ZNF202: variants seen among roughly 807,000 people sequenced by gnomAD.
ZNF202 encodes zinc finger protein 202.
In ZNF202, 22 loss-of-function variants were observed where a neutral mutation model predicts 54.5. That is an observed-to-expected ratio of 0.40 (90% confidence interval 0.29 to 0.58). The LOEUF is 0.58. Ranked by LOEUF, ZNF202 falls within the 20% of genes least tolerant of loss-of-function variation. ZNF202 has a pLI of 0.39. For missense variants in ZNF202, 644 were observed against 805.5 expected, an observed-to-expected ratio of 0.80 and a Z score of 2.43; for synonymous variants, 294 against 301.4, an observed-to-expected ratio of 0.98 and a Z score of 0.26.
rs542653318 is a variant in ZNF202, at chr11:123,724,746, A to G, written c.*1251T>C. The G allele has an allele frequency of 9.2e-5, 14 of 152,366 alleles. No homozygotes were observed. Among genetic ancestry groups the G allele is most frequent in the African/African-American group, 3.4e-4 (14 of 41,588 alleles). 9.4% of individuals were successfully genotyped at this position (152,366 alleles called of 1,614,324 possible). ...GATGCTACTTTCTAGCTCTATGAAC[A>G]TAAAATCACGTAAGAAAAAGCAAAC... On this transcript the variant is annotated 3_prime_UTR_variant, in exon 9 of 9. Transcript: ENST00000530393.
At chr11:123,732,913 T>C (rs1211262708) in intron 3 of ZNF202, among the ~76,000 whole-genome samples, 1 of 152,132 alleles carries the variant, frequency 6.6e-6, no homozygotes, top group Admixed American at 6.5e-5. Context: ...TCTTCATCTC[T>C]ACTGCCATTT....
rs370489461 is a variant in ZNF202 at position 123,728,236 on chromosome 11, G to A, written c.729C>T (p.Ala243=). The change falls in exon 7 of 9, where the codon GCC becomes GCT. Residue 243 remains alanine (A), a synonymous_variant. Coordinates refer to ENST00000530393, the MANE Select transcript of ZNF202 (RefSeq NM_003455.4). ...SQGLVTFKDV[A]VCFSQDQWSD... is the part of the protein sequence containing the mutation. ...TCCACTGGTCCTGGGAAAAGCATACGGCCACATCCTTGAACGTTACCAGTC... is the reference window on the plus strand; with the variant it reads ...TCCACTGGTCCTGGGAAAAGCATACAGCCACATCCTTGAACGTTACCAGTC... The A allele has an allele frequency of 1.6e-5, 25 of 1,611,880 alleles. No individual in the cohort carries two copies. Among genetic ancestry groups the A allele is most frequent in the African/African-American group, 4.0e-5 (3 of 74,844 alleles).
chr11:123,731,116 T>C (rs1861388256), intron 3 of ZNF202, 131 bp from the exon 4 acceptor site: 1 of 473,118 alleles, frequency 2.1e-6, no homozygotes, highest in East Asian at 3.3e-5. Flanking sequence ...CCAACCACCA[T>C]AGCCATAAAT....
chr11:123,731,354 A>G (rs1262105211), intron 3 of ZNF202, among the ~76,000 whole-genome samples: 2 of 152,196 alleles, frequency 1.3e-5, no homozygotes, highest in Admixed American at 1.3e-4. Context: ...TAACTTCCTA[A>G]GATCCCTGCA....
rs1322965921 is a variant in ZNF202, at chr11:123,725,284, T to C, written c.*713A>G. ...ATTAAAAACAAAACCAAAACTCGTA[T>C]GGAAAGAGGCTTCTGACTAGGCCCT... On this transcript the variant is annotated 3_prime_UTR_variant, in exon 9 of 9. Coordinates refer to ENST00000530393, the MANE Select transcript of ZNF202 (RefSeq NM_003455.4). The C allele has an allele frequency of 6.6e-6, 1 of 152,196 alleles. No homozygotes were observed. Among genetic ancestry groups the C allele is most frequent in the African/African-American group, 2.4e-5 (1 of 41,444 alleles). 9.4% of individuals were successfully genotyped at this position (152,196 alleles called of 1,614,324 possible).
intron 3 of ZNF202, chr11:123,739,637 C>A (rs1861778903): frequency 6.6e-6 from 1 of 152,184 alleles, no homozygotes; most frequent in African/African-American, 2.4e-5. Flanking sequence ...AGTACGCTTT[C>A]TTAATTTTGC....
chr11:123,731,232 T>G (rs1379497123), intron 3 of ZNF202, among the ~76,000 whole-genome samples: 1 of 152,166 alleles, frequency 6.6e-6, no homozygotes, highest in Non-Finnish European at 1.5e-5. Context: ...CATTTCCACT[T>G]CACAAATACT....
rs1432904234 is a variant in ZNF202, at chr11:123,725,096, A to C, written c.*901T>G. On this transcript the variant is annotated 3_prime_UTR_variant, in exon 9 of 9. Coordinates refer to ENST00000530393, the MANE Select transcript of ZNF202 (RefSeq NM_003455.4). ...TGTGAAGGGGTTGGTGGGCTTGTGC[A>C]TATGAGGGAATGTGAACGATTTCAT... 3 of 152,216 alleles carry C rather than the reference A, an allele frequency of 2.0e-5. No individual in the cohort carries two copies. In the South Asian group the frequency reaches 6.2e-4, roughly 32 times the overall value. The allele number at this position is 152,216 out of a possible 1,614,324, so 9.4% of individuals were successfully genotyped here. A position where few individuals can be genotyped will look rare whatever the true frequency, so the allele number is the denominator to read the frequency against.
chr11:123,739,981 ATGCAGAAAGC>A (rs1356361824), intron 3 of ZNF202, 126 bp downstream of exon 3: 1 of 152,248 alleles, frequency 6.6e-6, no homozygotes, highest in Non-Finnish European at 1.5e-5. Context: ...TCTGAAGTTC[ATGCAGAAAGC>A]CATTGCTGGC....
intron 3 of ZNF202, among the ~76,000 whole-genome samples, chr11:123,734,119 G>C (rs983603972): frequency 2.6e-5 from 4 of 151,868 alleles, no homozygotes; most frequent in East Asian, 1.9e-4. Flanking sequence ...GAGAGAGAGA[G>C]AGACAGACAC....
At chr11:123,737,227 G>T (rs899026732) in intron 3 of ZNF202, among the ~76,000 whole-genome samples, 1 of 152,016 alleles carries the variant, frequency 6.6e-6, no homozygotes, top group Non-Finnish European at 1.5e-5. Flanking sequence ...GAGACAATCT[G>T]AGGCAAACTC....
At chr11:123,732,293 C>T (rs1360871304) in intron 3 of ZNF202, among the ~76,000 whole-genome samples, 1 of 152,198 alleles carries the variant, frequency 6.6e-6, no homozygotes, top group Non-Finnish European at 1.5e-5. Flanking sequence ...TAAGATCCTT[C>T]CATCACTCCC....
chr11:123,729,930 G>A (rs746464939), intron 4 of ZNF202, 105 bp from the exon 5 acceptor site: 301 of 1,200,194 alleles, frequency 2.5e-4, no homozygotes, highest in Non-Finnish European at 3.3e-4. Flanking sequence ...CACTCCCAGA[G>A]GGACCCAGAC....
chr11:123,740,901 G>T (rs1861833948), intron 1 of ZNF202, among the ~76,000 whole-genome samples: 1 of 151,632 alleles, frequency 6.6e-6, no homozygotes. Flanking sequence ...GGGAGGAGAG[G>T]AAAGTTGCAA....
intron 3 of ZNF202, 46 bp from the exon 4 acceptor site, chr11:123,731,031 T>G (rs545035013): frequency 2.1e-6 from 2 of 934,842 alleles, no homozygotes; most frequent in South Asian, 3.8e-5. Context: ...CATGAAACTA[T>G]ACACAAGGAC....
intron 3 of ZNF202, among the ~76,000 whole-genome samples, chr11:123,739,275 G>A (rs183112066): frequency 7.6e-4 from 115 of 152,282 alleles, no homozygotes; most frequent in African/African-American, 2.6e-3. Flanking sequence ...ATCATGCCCT[G>A]CTTTACTGTG....
Position 123,725,922 on chromosome 11 carries a change from G to A in ZNF202, c.*75C>T. The A allele has an allele frequency of 6.6e-7, 1 of 1,510,240 alleles. No individual in the cohort carries two copies. The highest frequency in any genetic ancestry group is 8.9e-7 in the Non-Finnish European group (1 of 1,129,718). 93.6% of individuals were successfully genotyped at this position (1,510,240 alleles called of 1,614,324 possible). A position where few individuals can be genotyped will look rare whatever the true frequency, so the allele number is the denominator to read the frequency against. On this transcript the variant is annotated 3_prime_UTR_variant, in exon 9 of 9. Transcript: ENST00000530393. ...TCCCTCGAAAAGGTCTTCCCAGGCT[G>A]ACAAGAGGGCTTTTCCTCTTCCTCA...
Position 123,730,812 on chromosome 11 carries a change from T to C in ZNF202, c.77A>G (p.Asp26Gly), listed in dbSNP as rs775110865. 41 of 1,614,148 alleles carry C rather than the reference T, an allele frequency of 2.5e-5. 2 individuals carry two copies. In the South Asian group the frequency reaches 4.4e-4, roughly 17 times the overall value. Residue 26 changes from aspartate to glycine, a missense_variant, in exon 4 of 9, where the codon GAT (aspartate) becomes GGT (glycine). Coordinates refer to ENST00000530393, the MANE Select transcript of ZNF202 (RefSeq NM_003455.4). This position sits in a 1 kb window ranked among gnomAD's most constrained non-coding sequence, Gnocchi z 6.0. The stretch of plus-strand genomic sequence containing the variant: ...GACAGACTCTGGCCGACAGGTGAAA[T>C]CATCTTCCAGTTTCACCATCAGAAT... ...EGILMVKLED[D>G]FTCRPESVLQ...
Position 123,725,985 on chromosome 11 carries a change from A to G in ZNF202, c.*12T>C. On this transcript the variant is annotated 3_prime_UTR_variant, in exon 9 of 9. Coordinates refer to ENST00000530393, the MANE Select transcript of ZNF202 (RefSeq NM_003455.4). Reference sequence around the variant, plus strand: ...GAGGGCTGAAAGCAGATCTCCTCACATGGGGACCTAGCTAGGAGGTCTTTT... The same window carrying G: ...GAGGGCTGAAAGCAGATCTCCTCACGTGGGGACCTAGCTAGGAGGTCTTTT... 1.2e-6 allele frequency: 2 copies of G among 1,601,874 alleles called. No individual in the cohort carries two copies. Among genetic ancestry groups the G allele is most frequent in the Non-Finnish European group, 1.7e-6 (2 of 1,172,758 alleles).
Sources: gnomAD v4.1 joint callset for allele counts (sites outside exome capture counted in the v4.1 genomes callset) on GRCh38, gnomAD v4.1.1 for gene constraint, Gnocchi (gnomAD v3.1) non-coding constraint, MANE v1.5 for transcripts, NCBI Gene and HGNC (gene_info 2026-07-23, HGNC 2026-07-21) for gene names.